BCAT1: variants seen among roughly 807,000 people sequenced by gnomAD.
BCAT1 encodes branched-chain-amino-acid aminotransferase, cytosolic.
In BCAT1, 48 loss-of-function variants were observed where a neutral mutation model predicts 52.4. The ratio of observed to expected loss-of-function variants is 0.92; its 90% confidence interval spans 0.73 to 1.16. The LOEUF is 1.16. BCAT1 is among the 50% of genes most tolerant of loss of function. The pLI, the probability that BCAT1 is intolerant of heterozygous loss-of-function variation, is 0.00. For missense variants in BCAT1, 451 were observed against 457.1 expected (o/e 0.99, Z 0.12); for synonymous variants, 167 against 161.3 (o/e 1.04, Z -0.27).
At chr12:24,887,078 A>AT (rs1337074950) in intron 3 of BCAT1, among the ~76,000 whole-genome samples, 3 of 79,224 alleles carry the variant, frequency 3.8e-5, no homozygotes, top group South Asian at 4.1e-4. Flanking sequence ...AAAAAAAAAA[A>AT]AAATATATAT....
intron 8 of BCAT1, chr12:24,834,066 C>T: frequency 1.2e-6 from 1 of 818,194 alleles, no homozygotes; most frequent in Non-Finnish European, 1.5e-6. Context: ...GATCCTCCCA[C>T]CTCAGCCTCC....
intron 5 of BCAT1, among the ~76,000 whole-genome samples, chr12:24,855,787 C>A (rs1470288356): frequency 6.6e-6 from 1 of 151,660 alleles, no homozygotes; most frequent in Non-Finnish European, 1.5e-5. Flanking sequence ...TTTTCTTTTT[C>A]TTTTTTTCTT....
intron 3 of BCAT1, 132 bp downstream of exon 3, chr12:24,894,141 TAA>T: frequency 1.3e-6 from 1 of 784,870 alleles, no homozygotes; most frequent in African/African-American, 1.8e-5. Context: ...GGAAAACTTT[TAA>T]AGACATTTTC....
At chr12:24,908,040 A>C (rs1453271251) in intron 1 of BCAT1, among the ~76,000 whole-genome samples, 2 of 152,222 alleles carry the variant, frequency 1.3e-5, no homozygotes, top group Non-Finnish European at 2.9e-5. Context: ...CTAATATTTT[A>C]GAAAGCATGT....
At chr12:24,828,708 T>C (rs562655428) in intron 10 of BCAT1, among the ~76,000 whole-genome samples, 4 of 152,232 alleles carry the variant, frequency 2.6e-5, no homozygotes, top group East Asian at 1.9e-4. Flanking sequence ...AAAAAATAAC[T>C]ATCTAAAAGT....
intron 8 of BCAT1, among the ~76,000 whole-genome samples, chr12:24,835,544 A>AATTTT (rs1215115704): frequency 2.9e-4 from 43 of 149,682 alleles, no homozygotes; most frequent in South Asian, 8.4e-4. Flanking sequence ...AACCTTTTTA[A>AATTTT]ATTTTATTTT....
chr12:24,865,518 T>TG (rs1941980743), intron 5 of BCAT1, among the ~76,000 whole-genome samples: 1 of 152,252 alleles, frequency 6.6e-6, no homozygotes, highest in Admixed American at 6.5e-5. Context: ...TTTCCTGCTT[T>TG]ATTCAATTTA....
chr12:24,856,407 CTA>C (rs1941684167), intron 5 of BCAT1, among the ~76,000 whole-genome samples: 1 of 152,120 alleles, frequency 6.6e-6, no homozygotes, highest in African/African-American at 2.4e-5. Flanking sequence ...CCTAAAATTC[CTA>C]TGTTGAAATC....
intron 1 of BCAT1, among the ~76,000 whole-genome samples, chr12:24,913,736 C>T (rs1407144793): frequency 6.6e-6 from 1 of 152,204 alleles, no homozygotes; most frequent in Non-Finnish European, 1.5e-5. Context: ...AAATCCAGCA[C>T]AGCCTGTCTG....
intron 10 of BCAT1, among the ~76,000 whole-genome samples, chr12:24,822,774 A>G (rs949591907): frequency 6.6e-5 from 10 of 152,144 alleles, no homozygotes; most frequent in African/African-American, 2.4e-4. Context: ...CTGTGATTGC[A>G]TGCCTTTGTT....
At chr12:24,889,074 A>C (rs1162059765) in intron 3 of BCAT1, among the ~76,000 whole-genome samples, 1 of 152,174 alleles carries the variant, frequency 6.6e-6, no homozygotes, top group Non-Finnish European at 1.5e-5. Flanking sequence ...TAAATCAGAC[A>C]CTTCCTCCTC....
rs935555988 is a variant in BCAT1 at position 24,912,263 on chromosome 12, C to T, written c.7-10378G>A. ...GGCGCAGTGGCTCACACCTGTAATC[C>T]CAGCACTTTGGGAGGCCGAGGCGGG... On this transcript the variant is annotated intron_variant, in intron 1 of 10. Transcript: ENST00000261192. Among the ~76,000 whole-genome samples the T allele has an allele frequency of 2.0e-5, 3 of 151,948 alleles. No individual in the cohort carries two copies. The East Asian group carries it at 5.8e-4, about 29-fold the overall frequency.
At chr12:24,829,214 T>C (rs1940541069) in intron 10 of BCAT1, among the ~76,000 whole-genome samples, 1 of 150,924 alleles carries the variant, frequency 6.6e-6, no homozygotes, top group Non-Finnish European at 1.5e-5. Context: ...TGAAATCCCA[T>C]CTCTACTAAA....
chr12:24,869,998 GTA>G (rs754521689), intron 5 of BCAT1, among the ~76,000 whole-genome samples: 6 of 140,848 alleles, frequency 4.3e-5, no homozygotes, highest in Admixed American at 1.4e-4. Context: ...GTGTGTGTGT[GTA>G]TATATGTGTG....
At chr12:24,837,809 C>A (rs1179507153) in intron 7 of BCAT1, among the ~76,000 whole-genome samples, 1 of 152,074 alleles carries the variant, frequency 6.6e-6, no homozygotes, top group Non-Finnish European at 1.5e-5. Context: ...CTCTGAGATT[C>A]AAATGTAATG....
rs1317241903 is a variant in BCAT1, at chr12:24,912,442, C to A, written c.7-10557G>T. On this transcript the variant is annotated intron_variant, in intron 1 of 10. Transcript: ENST00000261192. Reference sequence around the variant, plus strand: ...GGCTGAGGCAGGAGAATGGCGTGAACCAGGGAGGCAGAGCTTGCAGTGAGC... The same window carrying A: ...GGCTGAGGCAGGAGAATGGCGTGAAACAGGGAGGCAGAGCTTGCAGTGAGC... 2.0e-5 allele frequency among the ~76,000 whole-genome samples: 3 copies of A among 152,040 alleles called. No homozygotes were observed. In the East Asian group the frequency reaches 5.8e-4, roughly 29 times the overall value.
At chr12:24,825,110 A>ATT (rs1940330848) in intron 10 of BCAT1, among the ~76,000 whole-genome samples, 1 of 117,148 alleles carries the variant, frequency 8.5e-6, no homozygotes, top group Non-Finnish European at 1.7e-5. Flanking sequence ...ATAGTACCAC[A>ATT]TTGTGTGTGT....
At chr12:24,865,118 A>C (rs1941967898) in intron 5 of BCAT1, among the ~76,000 whole-genome samples, 1 of 152,198 alleles carries the variant, frequency 6.6e-6, no homozygotes, top group Non-Finnish European at 1.5e-5. Context: ...GATGTAATCT[A>C]GTTTCTCACC....
intron 5 of BCAT1, among the ~76,000 whole-genome samples, chr12:24,865,981 G>A (rs2139536735): frequency 6.6e-6 from 1 of 152,356 alleles, no homozygotes; most frequent in East Asian, 1.9e-4. Context: ...GACCGCGCTT[G>A]AGGAGCCCTT....
Sources: gnomAD v4.1 joint callset for allele counts (sites outside exome capture counted in the v4.1 genomes callset) on GRCh38, gnomAD v4.1.1 for gene constraint, MANE v1.5 for transcripts, NCBI Gene and HGNC (gene_info 2026-07-23, HGNC 2026-07-21) for gene names.